The following DTNA variants were observed in gnomAD, a reference collection of about 807,000 sequenced individuals.
The protein encoded by DTNA is dystrophin-related protein 3.
Under a neutral mutation model 100.7 loss-of-function variants are expected in DTNA, and 43 were observed. The ratio of observed to expected loss-of-function variants is 0.43; its 90% confidence interval spans 0.33 to 0.55. DTNA has a LOEUF of 0.55. Ranked by LOEUF, DTNA falls within the 20% of genes least tolerant of loss-of-function variation. DTNA has a pLI of 0.04. For missense variants in DTNA, 798 were observed against 953.9 expected, an observed-to-expected ratio of 0.84 and a Z score of 2.15; for synonymous variants, 349 against 347.9, an observed-to-expected ratio of 1.00 and a Z score of -0.04.
intron 1 of DTNA, among the ~76,000 whole-genome samples, chr18:34,501,828 C>T (rs1053949150): frequency 2.6e-5 from 4 of 152,140 alleles, no homozygotes; most frequent in African/African-American, 4.8e-5. Flanking sequence ...TATGTTTTCA[C>T]GTGGTCTTTT....
intron 13 of DTNA, among the ~76,000 whole-genome samples, chr18:34,843,631 T>G (rs1001462676): frequency 1.3e-5 from 2 of 152,116 alleles, no homozygotes; most frequent in African/African-American, 4.8e-5. Context: ...CCTATGAGAT[T>G]AGGGCCCCAC....
intron 1 of DTNA, among the ~76,000 whole-genome samples, chr18:34,678,261 A>G (rs2077636206): frequency 6.6e-6 from 1 of 152,180 alleles, no homozygotes; most frequent in South Asian, 2.1e-4. Flanking sequence ...GATAAGAGGA[A>G]GGGGAAGATT....
At position 34,851,946 on chromosome 18, in the gene DTNA, T is replaced by A. The variant is rs115712655; in HGVS notation, c.1532+18T>A. On this transcript the variant is annotated intron_variant, in intron 15 of 22. Coordinates refer to ENST00000444659, the MANE Select transcript of DTNA (RefSeq NM_001386795.1). ...AAGAACAGGTGAGACTTTGTAGACG[T>A]GCTGGCTTGTTTGATCAATGTGCGC... 4.5e-5 allele frequency: 72 copies of A among 1,612,104 alleles called. No individual in the cohort carries two copies. Among genetic ancestry groups the A allele is most frequent in the Non-Finnish European group, 5.9e-5 (69 of 1,178,552 alleles).
chr18:34,825,063 A>ATT (rs140760840), intron 9 of DTNA, among the ~76,000 whole-genome samples: 4 of 149,454 alleles, frequency 2.7e-5, no homozygotes, highest in Admixed American at 6.7e-5. Flanking sequence ...AGAAAATGCC[A>ATT]TTTTTTTTTT....
chr18:34,497,425 C>T (rs576202448), intron 1 of DTNA, among the ~76,000 whole-genome samples: 3 of 152,194 alleles, frequency 2.0e-5, no homozygotes, highest in South Asian at 4.1e-4. Flanking sequence ...AATTAAATGA[C>T]GTACTCTTCA....
At chr18:34,874,495 C>A (rs1021892625) in intron 17 of DTNA, among the ~76,000 whole-genome samples, 1 of 152,158 alleles carries the variant, frequency 6.6e-6, no homozygotes, top group Admixed American at 6.5e-5. Context: ...AAGATAAGTT[C>A]CTTCAGTTGT....
At chr18:34,720,100 C>G (rs1001671762) in intron 1 of DTNA, among the ~76,000 whole-genome samples, 1 of 152,174 alleles carries the variant, frequency 6.6e-6, no homozygotes, top group South Asian at 2.1e-4. Context: ...AAAAGGGAAT[C>G]AGGCCAGAGG....
At chr18:34,537,008 A>G (rs1326814718) in intron 1 of DTNA, among the ~76,000 whole-genome samples, 2 of 151,946 alleles carry the variant, frequency 1.3e-5, no homozygotes, top group Non-Finnish European at 2.9e-5. Flanking sequence ...AAATGAAAAT[A>G]AAAATTCAGG....
chr18:34,832,882 T>C (rs2096050171), intron 11 of DTNA, among the ~76,000 whole-genome samples: 1 of 152,196 alleles, frequency 6.6e-6, no homozygotes, highest in Admixed American at 6.5e-5. Flanking sequence ...ACTATAATTC[T>C]AGTGAGAAGG....
chr18:34,558,124 C>T (rs1159080457), intron 1 of DTNA: 1 of 152,796 alleles, frequency 6.5e-6, no homozygotes, highest in Non-Finnish European at 1.5e-5. Flanking sequence ...TGGGAGTGAC[C>T]CGATTTTCCA....
At chr18:34,836,093 G>C (rs952355962) in intron 11 of DTNA, among the ~76,000 whole-genome samples, 2 of 152,172 alleles carry the variant, frequency 1.3e-5, no homozygotes, top group African/African-American at 4.8e-5. Context: ...GGGTACTGTA[G>C]GTACTGCATA....
chr18:34,743,866 G>A (rs992884090), intron 1 of DTNA, among the ~76,000 whole-genome samples: 1 of 152,010 alleles, frequency 6.6e-6, no homozygotes, highest in African/African-American at 2.4e-5. Context: ...CACAGTGATG[G>A]TCATATTGGC....
intron 3 of DTNA, among the ~76,000 whole-genome samples, chr18:34,793,697 C>G (rs1200364805): frequency 6.6e-6 from 1 of 152,124 alleles, no homozygotes; most frequent in Non-Finnish European, 1.5e-5. Flanking sequence ...CTAGTCTTGC[C>G]ATTGACTCCT....
At chr18:34,668,588 CT>C (rs1274623872) in intron 1 of DTNA, among the ~76,000 whole-genome samples, 2 of 152,100 alleles carry the variant, frequency 1.3e-5, no homozygotes, top group African/African-American at 4.8e-5. Context: ...CCTCTACACA[CT>C]GCTTTATATG....
intron 13 of DTNA, among the ~76,000 whole-genome samples, chr18:34,844,634 A>G (rs2149808872): frequency 6.6e-6 from 1 of 152,302 alleles, no homozygotes; most frequent in South Asian, 2.1e-4. Context: ...AATTCCCATC[A>G]CTAGCCAGAG....
chr18:34,824,573 A>T (rs79950916), intron 9 of DTNA, among the ~76,000 whole-genome samples: 15 of 152,088 alleles, frequency 9.9e-5, no homozygotes, highest in East Asian at 9.6e-4. Context: ...AAAGTAAAAT[A>T]AAAAAAATGC....
intron 4 of DTNA, among the ~76,000 whole-genome samples, chr18:34,805,605 G>A (rs2095340921): frequency 6.6e-6 from 1 of 152,080 alleles, no homozygotes; most frequent in Admixed American, 6.5e-5. Flanking sequence ...GATTACAGAC[G>A]TAAGCCACCG....
In DTNA at chr18:34,837,840, A is replaced by G. The variant is rs73418640; in HGVS notation, c.1176-254A>G. ...CATTATGTCTAGACATACTCAATAT[A>G]AATGCTTGCTTGTTAAGCAAATAGC... On this transcript the variant is annotated intron_variant, in intron 11 of 22. Transcript: ENST00000444659. Among the ~76,000 whole-genome samples the G allele has an allele frequency of 4.3e-3, 662 of 152,304 alleles. 4 individuals carry two copies. The highest frequency in any genetic ancestry group is 0.014 in the African/African-American group (600 of 41,556).
At chr18:34,673,866 T>C (rs1195298082) in intron 1 of DTNA, among the ~76,000 whole-genome samples, 2 of 152,236 alleles carry the variant, frequency 1.3e-5, no homozygotes, top group Admixed American at 1.3e-4. Context: ...AACCGAATTC[T>C]CTGCTACTAT....
Sources: allele counts gnomAD v4.1 joint callset (sites outside exome capture counted in the v4.1 genomes callset), GRCh38; gene constraint gnomAD v4.1.1; transcripts MANE v1.5; gene names NCBI Gene and HGNC (gene_info 2026-07-23, HGNC 2026-07-21).